GALNT5: variants seen among roughly 807,000 people sequenced by gnomAD.
The protein encoded by GALNT5 is polypeptide N-acetylgalactosaminyltransferase 5.
GALNT5 carries 72 observed loss-of-function variants against 85.4 expected under a neutral mutation model. That is an observed-to-expected ratio of 0.84 (90% confidence interval 0.70 to 1.03). The LOEUF (loss-of-function observed/expected upper bound fraction) is 1.03, where lower values mean the gene tolerates loss of function less well. Among genes scored for constraint, GALNT5 ranks in the 50% least tolerant of loss-of-function variants. The probability of loss-of-function intolerance (pLI) is 0.00; values close to 1 mark genes in which losing one functional copy is unlikely to be tolerated. For missense variants in GALNT5, 1,137 were observed against 1,135.5 expected (o/e 1.00, Z -0.02); for synonymous variants, 404 against 397.0 (o/e 1.02, Z -0.21).
chr2:157,291,843 T>C (rs1574027419), intron 3 of GALNT5, among the ~76,000 whole-genome samples: 1 of 152,280 alleles, frequency 6.6e-6, no homozygotes, highest in East Asian at 1.9e-4. Context: ...TCACTATAGT[T>C]AACAATAGTT....
intron 1 of GALNT5, among the ~76,000 whole-genome samples, chr2:157,271,772 A>G (rs964766882): frequency 2.0e-5 from 3 of 152,200 alleles, no homozygotes; most frequent in Non-Finnish European, 4.4e-5. Flanking sequence ...TGCAGAGAAG[A>G]TGTTCAGAAA....
At chr2:157,297,323 G>C (rs1205392947) in intron 5 of GALNT5, among the ~76,000 whole-genome samples, 1 of 152,192 alleles carries the variant, frequency 6.6e-6, no homozygotes, top group Non-Finnish European at 1.5e-5. Flanking sequence ...AAGCAAAGAA[G>C]TGAAGGTTCT....
intron 7 of GALNT5, among the ~76,000 whole-genome samples, chr2:157,303,138 T>C (rs1255211177): frequency 6.6e-6 from 1 of 152,214 alleles, no homozygotes; most frequent in Non-Finnish European, 1.5e-5. Flanking sequence ...ACAAACATTT[T>C]CTTATCGAAC....
At chr2:157,267,059 T>C (rs1314188059) in intron 1 of GALNT5, among the ~76,000 whole-genome samples, 5 of 152,200 alleles carry the variant, frequency 3.3e-5, no homozygotes, top group Non-Finnish European at 7.3e-5. Flanking sequence ...CTTCAAGGCG[T>C]ATACAGCAAA....
chr2:157,301,112 A>C, intron 7 of GALNT5, 113 bp downstream of exon 7: 1 of 740,000 alleles, frequency 1.4e-6, no homozygotes, highest in Non-Finnish European at 2.2e-6. Flanking sequence ...ACCAAGTATG[A>C]GCAAAGATGG....
intron 1 of GALNT5, among the ~76,000 whole-genome samples, chr2:157,262,598 A>T (rs1682368623): frequency 6.6e-6 from 1 of 151,304 alleles, no homozygotes. Flanking sequence ...AGATTGTGCC[A>T]CTAGCCTGGG....
rs995043035 is a variant in GALNT5, at chr2:157,315,566, A to C, written c.*4218A>C. Among the ~76,000 whole-genome samples, 4 of 152,188 alleles carry C rather than the reference A, an allele frequency of 2.6e-5. No individual in the cohort carries two copies. Among genetic ancestry groups the C allele is most frequent in the African/African-American group, 9.7e-5 (4 of 41,442 alleles). On this transcript the variant is annotated 3_prime_UTR_variant, in exon 10 of 10. Coordinates refer to ENST00000259056, the MANE Select transcript of GALNT5 (RefSeq NM_014568.3). ...TTTTGGATGTTGTATAAACAGAAAA[A>C]AGAAGCATGGTCTCTCTCTCTCTGT...
At chr2:157,273,629 G>GTTTT (rs1682644348) in intron 1 of GALNT5, among the ~76,000 whole-genome samples, 2 of 38,004 alleles carry the variant, frequency 5.3e-5, no homozygotes, top group African/African-American at 2.4e-4. Context: ...CATATTTCTT[G>GTTTT]CTTTTTTTTT....
At chr2:157,305,117 G>A in intron 7 of GALNT5, among the ~76,000 whole-genome samples, 1 of 152,158 alleles carries the variant, frequency 6.6e-6, no homozygotes, top group East Asian at 1.9e-4. Flanking sequence ...ATTAAATGGT[G>A]ACTTAAAGAA....
chr2:157,275,229 C>A (rs548063226), intron 1 of GALNT5, among the ~76,000 whole-genome samples: 1 of 152,048 alleles, frequency 6.6e-6, no homozygotes, highest in African/African-American at 2.4e-5. Flanking sequence ...TTGGTTACTG[C>A]GGCCTTGTAG....
At chr2:157,308,962 A>C (rs1683513437) in intron 9 of GALNT5, among the ~76,000 whole-genome samples, 1 of 152,140 alleles carries the variant, frequency 6.6e-6, no homozygotes, top group South Asian at 2.1e-4. Context: ...GAAATCACCA[A>C]GTTCTTCTAG....
rs1226525593 is a variant in GALNT5, at chr2:157,315,544, T to C, written c.*4196T>C. 1.3e-5 allele frequency among the ~76,000 whole-genome samples: 2 copies of C among 152,182 alleles called. No homozygotes were observed. Among genetic ancestry groups the C allele is most frequent in the African/African-American group, 4.8e-5 (2 of 41,460 alleles). ...TGAATTAAACCCCTTTGGCCTCTTT[T>C]GGATGTTGTATAAACAGAAAAAAGA... On this transcript the variant is annotated 3_prime_UTR_variant, in exon 10 of 10. Coordinates refer to ENST00000259056, the MANE Select transcript of GALNT5 (RefSeq NM_014568.3).
At chr2:157,289,142 C>G (rs570023549) in intron 3 of GALNT5, among the ~76,000 whole-genome samples, 2 of 145,954 alleles carry the variant, frequency 1.4e-5, no homozygotes, top group East Asian at 4.0e-4. Flanking sequence ...TCTGCCTGCA[C>G]GGAGCACAGA....
intron 5 of GALNT5, among the ~76,000 whole-genome samples, chr2:157,298,550 G>A (rs938011495): frequency 1.3e-5 from 2 of 152,210 alleles, no homozygotes; most frequent in African/African-American, 4.8e-5. Flanking sequence ...CTCGAAAGGA[G>A]TACTTGAAAC....
At chr2:157,305,462 T>G (rs1157087363) in intron 7 of GALNT5, among the ~76,000 whole-genome samples, 1 of 152,178 alleles carries the variant, frequency 6.6e-6, no homozygotes, top group Non-Finnish European at 1.5e-5. Context: ...CCACCTTTGC[T>G]CATTTGTTAT....
intron 1 of GALNT5, among the ~76,000 whole-genome samples, chr2:157,260,466 T>C (rs769810249): frequency 7.9e-5 from 12 of 152,202 alleles, no homozygotes; most frequent in Non-Finnish European, 1.8e-4. Context: ...CTGATTCAAA[T>C]ATAATTGGGT....
intron 9 of GALNT5, among the ~76,000 whole-genome samples, chr2:157,309,910 A>G (rs891126534): frequency 6.6e-6 from 1 of 152,204 alleles, no homozygotes; most frequent in African/African-American, 2.4e-5. Context: ...TAGGAAATCC[A>G]TAAACATGCA....
rs757434719 is a variant in GALNT5 at position 157,258,455 on chromosome 2, C to T, written c.373C>T (p.Pro125Ser). ...TGCCCTGGGAAGGGGCAAGGTTGTGCCGTTGTGGCATCCTGCACATCTGCA... is the reference window on the plus strand; with the variant it reads ...TGCCCTGGGAAGGGGCAAGGTTGTGTCGTTGTGGCATCCTGCACATCTGCA... Reference protein sequence around the residue: ...QNALGRGKVVPLWHPAHLQTL... With the variant: ...QNALGRGKVVSLWHPAHLQTL... Residue 125 changes from proline (P) to serine (S), a missense_variant, in exon 1 of 10, where the codon CCG (proline) becomes TCG (serine). Physicochemically the swap from Pro to Ser is moderately conservative, Grantham distance 74. Coordinates refer to ENST00000259056, the MANE Select transcript of GALNT5 (RefSeq NM_014568.3). 3 of 1,605,526 alleles carry T rather than the reference C, an allele frequency of 1.9e-6. No individual in the cohort carries two copies. The East Asian group carries it at 6.7e-5, about 36-fold the overall frequency.
chr2:157,292,861 G>A (rs555777927), intron 3 of GALNT5, among the ~76,000 whole-genome samples: 203 of 152,032 alleles, frequency 1.3e-3, no homozygotes, highest in African/African-American at 4.5e-3. Context: ...ACACACACAC[G>A]CCCGATTGAT....
Sources: allele counts gnomAD v4.1 joint callset (sites outside exome capture counted in the v4.1 genomes callset), GRCh38; gene constraint gnomAD v4.1.1; transcripts MANE v1.5; gene names NCBI Gene and HGNC (gene_info 2026-07-23, HGNC 2026-07-21).